The following ERCC8 variants were observed in gnomAD, a reference collection of about 807,000 sequenced individuals.
The protein encoded by ERCC8 is ERCC excision repair 8, CSA ubiquitin ligase complex subunit, also known as DNA excision repair protein ERCC-8.
In ERCC8, 52 loss-of-function variants were observed where a neutral mutation model predicts 54.9. The observed-to-expected ratio is 0.95, with a 90% CI of 0.76 to 1.19. The LOEUF (loss-of-function observed/expected upper bound fraction) is 1.19, where lower values mean the gene tolerates loss of function less well. Among genes scored for constraint, ERCC8 ranks in the 50% most tolerant of loss-of-function variants. ERCC8 has a pLI of 0.00. For synonymous variants in ERCC8, 146 were observed against 157.2 expected, an observed-to-expected ratio of 0.93 and a Z score of 0.53; for missense variants, 514 against 466.1, an observed-to-expected ratio of 1.10 and a Z score of -0.95.
chr5:60,892,960 T>A (rs1014387843), intron 9 of ERCC8: 35 of 762,800 alleles, frequency 4.6e-5, no homozygotes, highest in Non-Finnish European at 8.1e-5. Context: ...AGAACCCTCA[T>A]GAGGTTTTCA....
In ERCC8 at chr5:60,867,168, GA is replaced by G. The variant is rs1010589501; in HGVS notation, c.*7446del. 7.2e-5 allele frequency among the ~76,000 whole-genome samples: 11 copies of G among 151,770 alleles called. No homozygotes were observed. Among genetic ancestry groups the G allele is most frequent in the African/African-American group, 1.9e-4 (8 of 41,306 alleles). On this transcript the variant is annotated 3_prime_UTR_variant, in exon 12 of 12. Transcript: ENST00000676185. ...CATTTTTAACCAATGAAAAAAGAAGGAAAAAAAATATCCAAATGTATATGTT... is the reference window on the plus strand; with the variant it reads ...CATTTTTAACCAATGAAAAAAGAAGGAAAAAAATATCCAAATGTATATGTT...
chr5:60,915,654 A>G (rs1034296808), intron 4 of ERCC8, among the ~76,000 whole-genome samples: 2 of 151,916 alleles, frequency 1.3e-5, no homozygotes, highest in Non-Finnish European at 2.9e-5. Context: ...GACCACCCAC[A>G]TTTCTTGGCT....
At chr5:60,938,957 G>A (rs951205189) in intron 1 of ERCC8, among the ~76,000 whole-genome samples, 3 of 152,140 alleles carry the variant, frequency 2.0e-5, no homozygotes, top group African/African-American at 7.2e-5. Flanking sequence ...ATTTTGTAAA[G>A]TATTTTAAAA....
chr5:60,892,682 T>G, intron 9 of ERCC8: 1 of 668,464 alleles, frequency 1.5e-6, no homozygotes. Context: ...TCATGGGGTC[T>G]GCCAGTCTCT....
At chr5:60,906,160 CTTTA>C (rs968139917) in intron 4 of ERCC8, among the ~76,000 whole-genome samples, 13 of 152,062 alleles carry the variant, frequency 8.5e-5, no homozygotes, top group African/African-American at 2.2e-4. Flanking sequence ...ATTTATGTCT[CTTTA>C]TTTATTTATT....
chr5:60,932,401 T>C (rs1355052117), intron 1 of ERCC8, among the ~76,000 whole-genome samples: 1 of 152,226 alleles, frequency 6.6e-6, no homozygotes, highest in Non-Finnish European at 1.5e-5. Context: ...TGCTTTATGA[T>C]GAATACCTGC....
chr5:60,891,674 TC>T (rs1748563506), intron 9 of ERCC8, among the ~76,000 whole-genome samples: 1 of 150,312 alleles, frequency 6.7e-6, no homozygotes, highest in Admixed American at 6.6e-5. Context: ...TTTTTTTTTT[TC>T]CTGCTGATAC....
chr5:60,915,898 C>T (rs569038683), intron 4 of ERCC8, among the ~76,000 whole-genome samples: 39 of 151,870 alleles, frequency 2.6e-4, no homozygotes, highest in Admixed American at 1.2e-3. Flanking sequence ...CATCTGGGAG[C>T]GGGACATGAT....
intron 1 of ERCC8, among the ~76,000 whole-genome samples, chr5:60,938,040 CATACATACATATATATATATAT>C (rs11269163): frequency 0.042 from 1,347 of 32,448 alleles, 73 homozygotes; most frequent in African/African-American, 0.066. Context: ...TACATACATA[CATACATACATATATATATATAT>C]ATATATATAT....
chr5:60,944,505 T>C (rs1434214554), intron 1 of ERCC8, among the ~76,000 whole-genome samples: 1 of 152,246 alleles, frequency 6.6e-6, no homozygotes, highest in Non-Finnish European at 1.5e-5. Flanking sequence ...TTCTGAACTT[T>C]GTTCAATTCC....
rs544111980 is a variant in ERCC8, at chr5:60,923,635, C to A, written c.174-1480G>T. Reference sequence around the variant, plus strand: ...ACTGTTTTTACCTTAATTCAAAGTACCTTTCTTTAGTATACTTATTTTTTT... The same window carrying A: ...ACTGTTTTTACCTTAATTCAAAGTAACTTTCTTTAGTATACTTATTTTTTT... On this transcript the variant is annotated intron_variant, in intron 2 of 11. Coordinates refer to ENST00000676185, the MANE Select transcript of ERCC8 (RefSeq NM_000082.4). Among the ~76,000 whole-genome samples, 3 of 152,124 alleles carry A rather than the reference C, an allele frequency of 2.0e-5. No individual in the cohort carries two copies. The East Asian group carries it at 5.8e-4, about 29-fold the overall frequency.
At chr5:60,899,019 TTA>T (rs993321934) in intron 8 of ERCC8, among the ~76,000 whole-genome samples, 1 of 147,280 alleles carries the variant, frequency 6.8e-6, no homozygotes, top group African/African-American at 2.5e-5. Flanking sequence ...TATGATTGTT[TTA>T]TATAGTTTTT....
chr5:60,904,602 A>G (rs1748997664), intron 5 of ERCC8, among the ~76,000 whole-genome samples, 190 bp downstream of exon 5: 1 of 137,910 alleles, frequency 7.3e-6, no homozygotes, highest in South Asian at 2.4e-4. Context: ...AAATAGTACA[A>G]TATCTGTTGA....
intron 11 of ERCC8, among the ~76,000 whole-genome samples, chr5:60,879,259 T>A (rs1338068502): frequency 6.6e-6 from 1 of 152,252 alleles, no homozygotes; most frequent in Non-Finnish European, 1.5e-5. Context: ...TCTGTTCTTT[T>A]ACATTTGCTG....
intron 11 of ERCC8, among the ~76,000 whole-genome samples, chr5:60,876,344 G>A (rs1748006978): frequency 6.6e-6 from 1 of 152,168 alleles, no homozygotes; most frequent in African/African-American, 2.4e-5. Flanking sequence ...AAACATACGT[G>A]TGCATGTGTC....
chr5:60,893,146 A>C (rs1400161276), intron 9 of ERCC8: 1 of 861,792 alleles, frequency 1.2e-6, no homozygotes, highest in Non-Finnish European at 2.0e-6. Flanking sequence ...ATTTGGAAGC[A>C]GCAGCAGCAG....
intron 2 of ERCC8, among the ~76,000 whole-genome samples, chr5:60,922,891 T>C (rs1399177813): frequency 6.6e-6 from 1 of 152,170 alleles, no homozygotes; most frequent in Admixed American, 6.6e-5. Context: ...GACAATAACT[T>C]ATTTTTATTC....
chr5:60,921,906 G>A (rs1484621036), intron 3 of ERCC8, 148 bp downstream of exon 3: 2 of 508,806 alleles, frequency 3.9e-6, no homozygotes, highest in African/African-American at 3.9e-5. Flanking sequence ...CTATTTTCAA[G>A]AAAGTGTCAA....
intron 9 of ERCC8, among the ~76,000 whole-genome samples, chr5:60,897,517 A>G (rs1446110974): frequency 6.6e-6 from 1 of 152,190 alleles, no homozygotes; most frequent in African/African-American, 2.4e-5. Flanking sequence ...TATTATTATC[A>G]CCAAATTATA....
Sources: allele counts gnomAD v4.1 joint callset (sites outside exome capture counted in the v4.1 genomes callset), GRCh38; gene constraint gnomAD v4.1.1; transcripts MANE v1.5; gene names NCBI Gene and HGNC (gene_info 2026-07-23, HGNC 2026-07-21).